Variants in LRMDA observed in about 807,000 individuals in gnomAD.
LRMDA encodes the protein leucine rich melanocyte differentiation associated.
In LRMDA, 18 loss-of-function variants were observed where a neutral mutation model predicts 29.8. The observed-to-expected ratio is 0.60, with a 90% CI of 0.42 to 0.90. The LOEUF is 0.90. Ranked by LOEUF, LRMDA falls within the 40% of genes least tolerant of loss-of-function variation. The probability of loss-of-function intolerance (pLI) is 0.00; values close to 1 mark genes in which losing one functional copy is unlikely to be tolerated. For missense variants in LRMDA, 273 were observed against 273.9 expected (o/e 1.00, Z 0.02); for synonymous variants, 125 against 109.4 (o/e 1.14, Z -0.89).
chr10:75,816,896 C>T (rs943479020), intron 2 of LRMDA, among the ~76,000 whole-genome samples: 1 of 152,204 alleles, frequency 6.6e-6, no homozygotes, highest in Non-Finnish European at 1.5e-5. Flanking sequence ...TTAGTATTCT[C>T]TGCTGTCATA....
intron 2 of LRMDA, among the ~76,000 whole-genome samples, chr10:75,850,027 A>G (rs181646664): frequency 6.6e-6 from 1 of 152,276 alleles, no homozygotes; most frequent in Non-Finnish European, 1.5e-5. Flanking sequence ...GGTATCTTAG[A>G]CTTTATTTTA....
chr10:75,660,245 C>A (rs937352156), intron 2 of LRMDA, among the ~76,000 whole-genome samples: 2 of 152,238 alleles, frequency 1.3e-5, no homozygotes, highest in Admixed American at 1.3e-4. Context: ...CCTGCTGACT[C>A]TATTTTTTCT....
At chr10:75,560,658 T>A (rs1185395802) in intron 2 of LRMDA, among the ~76,000 whole-genome samples, 5 of 150,358 alleles carry the variant, frequency 3.3e-5, no homozygotes, top group Admixed American at 1.3e-4. Flanking sequence ...CAGTATGATA[T>A]TGGCTGTGGG....
chr10:76,148,706 T>A (rs1850380697), intron 5 of LRMDA, among the ~76,000 whole-genome samples: 1 of 152,174 alleles, frequency 6.6e-6, no homozygotes. Flanking sequence ...GTCCTGCACC[T>A]ACTCTCTGGC....
intron 5 of LRMDA, among the ~76,000 whole-genome samples, chr10:76,291,871 G>T (rs1840345098): frequency 6.6e-6 from 1 of 151,416 alleles, no homozygotes; most frequent in African/African-American, 2.4e-5. Flanking sequence ...TCATTTTGCT[G>T]GGCTAATATG....
rs372711674 is a variant in LRMDA at position 75,928,590 on chromosome 10, C to T, written c.132-107418C>T. 3.4e-4 allele frequency among the ~76,000 whole-genome samples: 52 copies of T among 152,092 alleles called. 1 individual carries two copies. Among genetic ancestry groups the T allele is most frequent in the East Asian group, 2.9e-3 (15 of 5,174 alleles). ...ATCTAAAGCATGGTGCATCATATAC[C>T]GCGAGGGTAGTTACTGTTTAGTAAA... On this transcript the variant is annotated intron_variant, in intron 2 of 6. Transcript: ENST00000611255.
At chr10:75,632,198 G>A (rs562712246) in intron 2 of LRMDA, among the ~76,000 whole-genome samples, 1 of 152,254 alleles carries the variant, frequency 6.6e-6, no homozygotes, top group South Asian at 2.1e-4. Context: ...AGAGTCAGAG[G>A]GATATCAGCC....
chr10:76,229,822 G>A (rs1309874051), intron 5 of LRMDA, among the ~76,000 whole-genome samples: 4 of 152,152 alleles, frequency 2.6e-5, no homozygotes, highest in African/African-American at 9.7e-5. Context: ...CAACCTGGGT[G>A]TGTTTACTGA....
chr10:75,981,110 CT>C lies in LRMDA; in HGVS notation c.132-54894del, dbSNP rs1171063712. Among the ~76,000 whole-genome samples, 39 of 152,336 alleles carry C rather than the reference CT, an allele frequency of 2.6e-4. No individual in the cohort carries two copies. In the South Asian group the frequency reaches 3.1e-3, roughly 12 times the overall value. ...ATTGTCTGCTTATTAAAGTGGTTCA[CT>C]TTTACATTCTTAACTTTTGAAATTT... On this transcript the variant is annotated intron_variant, in intron 2 of 6. Transcript: ENST00000611255.
chr10:75,883,094 C>T (rs186488681), intron 2 of LRMDA, among the ~76,000 whole-genome samples: 1 of 152,168 alleles, frequency 6.6e-6, no homozygotes, highest in Admixed American at 6.5e-5. Context: ...CTTCTCCTTG[C>T]TAGCTCAGCA....
At chr10:76,434,345 T>C (rs74806628) in intron 6 of LRMDA, among the ~76,000 whole-genome samples, 2,964 of 152,084 alleles carry the variant, frequency 0.019, 85 homozygotes, top group South Asian at 0.12. Context: ...CTCTCTTTAA[T>C]TTTCTTCCTT....
chr10:76,347,057 G>A (rs1841117519), intron 6 of LRMDA, among the ~76,000 whole-genome samples: 1 of 152,194 alleles, frequency 6.6e-6, no homozygotes. Context: ...TTAAAAGAAA[G>A]CAGAGTAATA....
At chr10:76,398,390 G>A (rs1434746520) in intron 6 of LRMDA, among the ~76,000 whole-genome samples, 2 of 152,168 alleles carry the variant, frequency 1.3e-5, no homozygotes, top group Non-Finnish European at 2.9e-5. Context: ...TCCACTGATT[G>A]CATTCTAATT....
chr10:76,409,045 C>T (rs1176679586), intron 6 of LRMDA, among the ~76,000 whole-genome samples: 2 of 152,148 alleles, frequency 1.3e-5, no homozygotes, highest in African/African-American at 4.8e-5. Flanking sequence ...CTGGAGACTC[C>T]AAGGAGGCCC....
intron 2 of LRMDA, among the ~76,000 whole-genome samples, chr10:75,919,795 C>G (rs565520583): frequency 6.6e-6 from 1 of 152,260 alleles, no homozygotes; most frequent in East Asian, 1.9e-4. Context: ...GGATGTGCCA[C>G]CTGGAGAAGG....
At chr10:76,359,807 A>C (rs1025568860) in intron 6 of LRMDA, among the ~76,000 whole-genome samples, 1 of 152,184 alleles carries the variant, frequency 6.6e-6, no homozygotes, top group Non-Finnish European at 1.5e-5. Flanking sequence ...TTGAAAGTCT[A>C]TGAAAATCAA....
intron 5 of LRMDA, among the ~76,000 whole-genome samples, chr10:76,311,142 A>G (rs1840624576): frequency 6.6e-6 from 1 of 152,214 alleles, no homozygotes; most frequent in African/African-American, 2.4e-5. Context: ...AAAAGCCAGT[A>G]TTTGACTCTG....
chr10:75,980,519 G>A (rs1158379731), intron 2 of LRMDA, among the ~76,000 whole-genome samples: 2 of 152,156 alleles, frequency 1.3e-5, no homozygotes, highest in Non-Finnish European at 2.9e-5. Context: ...TTTTTTGGCA[G>A]GGGGGCTATA....
chr10:76,099,154 A>G (rs1359249055), intron 5 of LRMDA, among the ~76,000 whole-genome samples: 4 of 152,216 alleles, frequency 2.6e-5, no homozygotes, highest in Admixed American at 1.3e-4. Flanking sequence ...AGTCCTACCT[A>G]CAAAGGCCAT....
Sources: allele counts gnomAD v4.1 joint callset (sites outside exome capture counted in the v4.1 genomes callset), GRCh38; gene constraint gnomAD v4.1.1; transcripts MANE v1.5; gene names NCBI Gene and HGNC (gene_info 2026-07-23, HGNC 2026-07-21).